Variants in PMM2 observed in about 807,000 individuals in gnomAD.
The protein encoded by PMM2 is mannose-6-phosphate isomerase.
Under a neutral mutation model 33.2 loss-of-function variants are expected in PMM2, and 35 were observed. The ratio of observed to expected loss-of-function variants is 1.06; its 90% CI spans 0.81 to 1.40. PMM2 has a LOEUF of 1.40. Among genes scored for constraint, PMM2 ranks in the 40% most tolerant of loss-of-function variants. The pLI is 0.00. For synonymous variants in PMM2, 153 were observed against 114.7 expected, an observed-to-expected ratio of 1.33 and a Z score of -2.13; for missense variants, 386 against 306.0, an observed-to-expected ratio of 1.26 and a Z score of -1.95.
At chr16:8,811,789 A>G in intron 6 of PMM2, 76 bp downstream of exon 6, 1 of 984,896 alleles carries the variant, frequency 1.0e-6, no homozygotes, top group Non-Finnish European at 1.6e-6. Flanking sequence ...TGAGCTATTG[A>G]TAATGAAGTA....
At chr16:8,828,897 C>T (rs1229828194) in intron 7 of PMM2, among the ~76,000 whole-genome samples, 1 of 152,180 alleles carries the variant, frequency 6.6e-6, no homozygotes, top group Non-Finnish European at 1.5e-5. Context: ...AATACTGACT[C>T]CCCCTCCTAA....
intron 2 of PMM2, 131 bp from the exon 3 acceptor site, chr16:8,804,636 G>T (rs1596485655): frequency 2.8e-6 from 2 of 713,038 alleles, no homozygotes; most frequent in East Asian, 5.4e-5. Flanking sequence ...CTCTTAGTCT[G>T]TAAGATGAGA....
chr16:8,798,270 C>T (rs970515228), intron 1 of PMM2, among the ~76,000 whole-genome samples: 1 of 152,138 alleles, frequency 6.6e-6, no homozygotes, highest in African/African-American at 2.4e-5. Context: ...AAGATCAGGC[C>T]CCCTTATCAG....
At chr16:8,819,125 T>A (rs961275374) in intron 7 of PMM2, among the ~76,000 whole-genome samples, 4 of 152,228 alleles carry the variant, frequency 2.6e-5, no homozygotes, top group Non-Finnish European at 5.9e-5. Context: ...AATTTGGCTA[T>A]CAGTGCACTC....
At chr16:8,844,647 A>ATGATCAGAGGCGTCCT (rs2060913213) in intron 7 of PMM2, among the ~76,000 whole-genome samples, 1 of 152,134 alleles carries the variant, frequency 6.6e-6, no homozygotes, top group African/African-American at 2.4e-5. Context: ...ACGTGGGTGA[A>ATGATCAGAGGCGTCCT]TGATCAGAGG....
At chr16:8,836,749 C>G (rs1379740956) in intron 7 of PMM2, among the ~76,000 whole-genome samples, 1 of 151,942 alleles carries the variant, frequency 6.6e-6, no homozygotes, top group Non-Finnish European at 1.5e-5. Context: ...GCCTTTTGAC[C>G]TTTTAGGGTC....
chr16:8,797,865 C>CGGCTAGAAACTGGGGACAT lies in PMM2; in HGVS notation c.-14_5dup. 6.2e-7 allele frequency: 1 copy of CGGCTAGAAACTGGGGACAT among 1,609,968 alleles called. No homozygotes were observed. The highest frequency in any genetic ancestry group is 8.5e-7 in the Non-Finnish European group (1 of 1,178,480). On this transcript the variant is annotated 5_prime_UTR_variant, in exon 1 of 8. The change creates a new upstream start codon in the 5' untranslated region. Coordinates refer to ENST00000268261, the MANE Select transcript of PMM2 (RefSeq NM_000303.3). ...TCGTGCCAACGTGTCTTGTAAGGTG[C>CGGCTAGAAACTGGGGACAT]GGCTAGAAACTGGGGACATGGCAGC...
At chr16:8,798,614 C>T (rs17674628) in intron 1 of PMM2, among the ~76,000 whole-genome samples, 28,939 of 152,134 alleles carry the variant, frequency 0.19, 2,950 homozygotes, top group East Asian at 0.33. Flanking sequence ...TGGAGGAGCC[C>T]TAGGTTATTA....
chr16:8,846,146 A>C (rs2060924309), intron 7 of PMM2, among the ~76,000 whole-genome samples: 1 of 151,654 alleles, frequency 6.6e-6, no homozygotes, highest in Admixed American at 6.6e-5. Flanking sequence ...TCCACCCAGC[A>C]CTCCCTGGGC....
intron 7 of PMM2, among the ~76,000 whole-genome samples, chr16:8,834,684 G>A (rs1366813356): frequency 6.6e-6 from 1 of 151,802 alleles, no homozygotes; most frequent in Non-Finnish European, 1.5e-5. Flanking sequence ...CGATGGAAAG[G>A]AAATGAGACG....
rs141498002 is a variant in PMM2 at position 8,811,099 on chromosome 16, G to A, written c.368G>A (p.Arg123Gln). 421 of 1,571,002 alleles carry A rather than the reference G, an allele frequency of 2.7e-4. No individual in the cohort carries two copies. Among genetic ancestry groups the A allele is most frequent in the Non-Finnish European group, 3.2e-4 (372 of 1,154,252 alleles). The change falls in exon 5 of 8, where the codon CGA becomes CAA. Residue 123 changes from arginine to glutamine, a missense_variant. Coordinates refer to ENST00000268261, the MANE Select transcript of PMM2 (RefSeq NM_000303.3). ...PKKRGTFIEF[R>Q]NGMLNVSPIG... ...CCCAGGGGTACTTTCATTGAATTCC[G>A]AAATGGGATGTTAAACGTGTCCCCT...
chr16:8,825,781 A>C (rs1366242479), intron 7 of PMM2, among the ~76,000 whole-genome samples: 1 of 118,130 alleles, frequency 8.5e-6, no homozygotes, highest in Admixed American at 9.4e-5. Context: ...TTTGAGATGG[A>C]GTCTTGCTCC....
intron 7 of PMM2, among the ~76,000 whole-genome samples, chr16:8,846,852 A>C (rs2060928853): frequency 6.6e-6 from 1 of 152,100 alleles, no homozygotes; most frequent in Admixed American, 6.6e-5. Context: ...CTCAGACCCC[A>C]GTCATGTGGG....
intron 7 of PMM2, among the ~76,000 whole-genome samples, chr16:8,833,545 T>TA (rs1001031637): frequency 6.0e-5 from 9 of 151,166 alleles, no homozygotes; most frequent in African/African-American, 1.9e-4. Flanking sequence ...TAGGGGGTGG[T>TA]ATGGAGAGAG....
intron 7 of PMM2, among the ~76,000 whole-genome samples, chr16:8,816,351 C>T (rs150490354): frequency 5.7e-4 from 87 of 151,876 alleles, no homozygotes; most frequent in African/African-American, 2.0e-3. Context: ...GTCTCGAACT[C>T]ATGACCTGAA....
intron 7 of PMM2, among the ~76,000 whole-genome samples, chr16:8,823,075 T>C (rs1216084618): frequency 6.6e-6 from 1 of 152,210 alleles, no homozygotes; most frequent in Non-Finnish European, 1.5e-5. Flanking sequence ...CTCATCCTTA[T>C]CTTTTTAGTC....
At chr16:8,843,109 C>A (rs1230337617) in intron 7 of PMM2, among the ~76,000 whole-genome samples, 3 of 152,018 alleles carry the variant, frequency 2.0e-5, no homozygotes, top group Admixed American at 1.3e-4. Context: ...ATGAGTGCTT[C>A]AAAGAGTAAT....
chr16:8,843,958 G>C (rs2060907316), intron 7 of PMM2, among the ~76,000 whole-genome samples: 1 of 152,102 alleles, frequency 6.6e-6, no homozygotes, highest in Non-Finnish European at 1.5e-5. Context: ...AGGCGGGAGG[G>C]AAAGAAGGAA....
chr16:8,832,218 TGGC>T (rs1567166159), intron 7 of PMM2: 1 of 985,274 alleles, frequency 1.0e-6, no homozygotes, highest in East Asian at 1.1e-4. Context: ...AGCAGACCCT[TGGC>T]GGGAGAGAAA....
Sources: allele counts gnomAD v4.1 joint callset (sites outside exome capture counted in the v4.1 genomes callset), GRCh38; gene constraint gnomAD v4.1.1; transcripts MANE v1.5; gene names NCBI Gene and HGNC (gene_info 2026-07-23, HGNC 2026-07-21).